SLC22A8: variants seen among roughly 807,000 people sequenced by gnomAD.
SLC22A8 encodes the protein organic anion transporter 3.
In SLC22A8, 40 loss-of-function variants were observed where a neutral mutation model predicts 48.4. The observed-to-expected ratio is 0.83, with a 90% CI of 0.64 to 1.08. The LOEUF is 1.08. Among genes scored for constraint, SLC22A8 ranks in the 50% least tolerant of loss-of-function variants. The probability of loss-of-function intolerance (pLI) is 0.00; values close to 1 mark genes in which losing one functional copy is unlikely to be tolerated. For synonymous variants in SLC22A8, 268 were observed against 286.3 expected (o/e 0.94, Z 0.65); for missense variants, 606 against 699.0 (o/e 0.87, Z 1.50).
intron 2 of SLC22A8, among the ~76,000 whole-genome samples, chr11:63,014,294 G>C (rs1275545598): frequency 6.6e-6 from 1 of 152,168 alleles, no homozygotes; most frequent in Non-Finnish European, 1.5e-5. Context: ...TATTTGTGTG[G>C]TGTTTTCCTT....
chr11:63,001,688 G>A (rs1236939889), intron 2 of SLC22A8, among the ~76,000 whole-genome samples: 2 of 152,076 alleles, frequency 1.3e-5, no homozygotes, highest in East Asian at 1.9e-4. Context: ...TTCCCCAGGC[G>A]ATGCCATCTG....
At chr11:63,014,326 G>A (rs144718885) in intron 2 of SLC22A8, among the ~76,000 whole-genome samples, 1 of 152,138 alleles carries the variant, frequency 6.6e-6, no homozygotes, top group Non-Finnish European at 1.5e-5. Context: ...TCTCCACCGG[G>A]CTGTAGACCC....
intron 2 of SLC22A8, among the ~76,000 whole-genome samples, chr11:63,009,794 A>G (rs912629167): frequency 5.3e-5 from 8 of 152,128 alleles, no homozygotes; most frequent in Non-Finnish European, 2.9e-5. Flanking sequence ...TCAGCCCTCC[A>G]GCCCTCTTGC....
At chr11:63,001,269 G>C (rs1305465792) in intron 2 of SLC22A8, among the ~76,000 whole-genome samples, 2 of 151,942 alleles carry the variant, frequency 1.3e-5, no homozygotes, top group East Asian at 1.9e-4. Context: ...CTCTCTCTCT[G>C]CTCCTCCTCA....
At chr11:62,994,458 T>C (rs1208827210) in intron 8 of SLC22A8, 84 bp downstream of exon 8, 4 of 1,016,738 alleles carry the variant, frequency 3.9e-6, no homozygotes, top group Non-Finnish European at 6.0e-6. Flanking sequence ...CACAGTGACT[T>C]AGAGGCAGAG....
Sources: allele counts gnomAD v4.1 joint callset (sites outside exome capture counted in the v4.1 genomes callset), GRCh38; gene constraint gnomAD v4.1.1; transcripts MANE v1.5; gene names NCBI Gene and HGNC (gene_info 2026-07-23, HGNC 2026-07-21).